Variants in AKR1D1 observed in about 807,000 individuals in gnomAD.
AKR1D1 encodes delta(4)-3-ketosteroid 5-beta-reductase.
Under a neutral mutation model 42.6 loss-of-function variants are expected in AKR1D1, and 32 were observed. The ratio of observed to expected loss-of-function variants is 0.75; its 90% confidence interval spans 0.57 to 1.01. The LOEUF is 1.01. Ranked by LOEUF, AKR1D1 falls within the 50% of genes least tolerant of loss-of-function variation. AKR1D1 has a pLI of 0.00. For synonymous variants in AKR1D1, 123 were observed against 135.5 expected (o/e 0.91, Z 0.64); for missense variants, 364 against 402.2 (o/e 0.91, Z 0.81).
Position 138,106,727 on chromosome 7 carries a change from AC to A in AKR1D1, c.689+11del. On this transcript the variant is annotated intron_variant, in intron 6 of 8. Coordinates refer to ENST00000242375, the MANE Select transcript of AKR1D1 (RefSeq NM_005989.4). The stretch of plus-strand genomic sequence containing the variant: ...GTAGGAATCCAATCTGGTAAGTAAA[AC>A]TTTAGGAAGCATTTCCTTTGGTGTA... 2.5e-6 allele frequency: 4 copies of A among 1,572,320 alleles called. No individual in the cohort carries two copies. The highest frequency in any genetic ancestry group is 3.5e-6 in the Non-Finnish European group (4 of 1,141,910).
chr7:138,105,834 G>A (rs931758524), intron 5 of AKR1D1, among the ~76,000 whole-genome samples: 13 of 151,994 alleles, frequency 8.6e-5, no homozygotes, highest in African/African-American at 2.9e-4. Flanking sequence ...GCAGTGAGCC[G>A]AGATTGCGCC....
At chr7:138,100,618 A>C (rs1263929824) in intron 4 of AKR1D1, among the ~76,000 whole-genome samples, 7 of 152,006 alleles carry the variant, frequency 4.6e-5, no homozygotes. Context: ...GCCCCTAATA[A>C]CAGAGCTTCA....
At chr7:138,101,093 A>T (rs1585734378) in intron 4 of AKR1D1, among the ~76,000 whole-genome samples, 1 of 152,178 alleles carries the variant, frequency 6.6e-6, no homozygotes, top group East Asian at 1.9e-4. Context: ...AAACATTATC[A>T]ACCTTCTTAA....
At chr7:138,110,418 G>A (rs770567497) in intron 7 of AKR1D1, among the ~76,000 whole-genome samples, 2 of 152,050 alleles carry the variant, frequency 1.3e-5, no homozygotes, top group African/African-American at 2.4e-5. Flanking sequence ...GGGCAACAAA[G>A]CGAGATCCCA....
intron 1 of AKR1D1, among the ~76,000 whole-genome samples, chr7:138,077,179 T>A (rs970975722): frequency 1.3e-5 from 2 of 152,188 alleles, no homozygotes; most frequent in African/African-American, 4.8e-5. Context: ...TCCATTCTCA[T>A]GCTGCTATTA....
At position 138,097,848 on chromosome 7, in the gene AKR1D1, T is replaced by C. The variant is rs565952145; in HGVS notation, c.379-18T>C. 3 of 694 alleles carry C rather than the reference T, an allele frequency of 4.3e-3. No individual in the cohort carries two copies. The highest frequency in any genetic ancestry group is 0.015 in the Non-Finnish European group (3 of 204). The allele number at this position is 694 out of a possible 1,614,324, so 0.0% of individuals were successfully genotyped here. On this transcript the variant is annotated intron_variant, in intron 3 of 8. Coordinates refer to ENST00000242375, the MANE Select transcript of AKR1D1 (RefSeq NM_005989.4). ...TAAATAAAATGAATTACATTTATTC[T>C]TTTTTTTTTTTTTTCAGCCAGGAGA...
intron 3 of AKR1D1, among the ~76,000 whole-genome samples, chr7:138,096,003 C>A (rs1240392207): frequency 6.6e-6 from 1 of 151,810 alleles, no homozygotes; most frequent in Non-Finnish European, 1.5e-5. Context: ...GAGTTCGAGA[C>A]CAGCCTGGAC....
At chr7:138,078,632 A>G (rs1014771320) in intron 1 of AKR1D1, among the ~76,000 whole-genome samples, 1 of 152,136 alleles carries the variant, frequency 6.6e-6, no homozygotes, top group African/African-American at 2.4e-5. Flanking sequence ...TATATTCTCT[A>G]TTGTTTGTTA....
At chr7:138,101,253 G>A (rs937398180) in intron 4 of AKR1D1, among the ~76,000 whole-genome samples, 10 of 135,714 alleles carry the variant, frequency 7.4e-5, no homozygotes, top group Non-Finnish European at 1.4e-4. Context: ...AGGCTGGAGT[G>A]CAGTGGCGCA....
chr7:138,084,786 A>C (rs989684484), intron 1 of AKR1D1, among the ~76,000 whole-genome samples: 10 of 151,690 alleles, frequency 6.6e-5, no homozygotes, highest in African/African-American at 2.4e-4. Context: ...GGCCGGGTGC[A>C]GTGGCTCACG....
rs1180180364 is a variant in AKR1D1 at position 138,113,674 on chromosome 7, A to T, written c.856-16A>T. On this transcript the variant is annotated splice_polypyrimidine_tract_variant and intron_variant, in intron 7 of 8. Coordinates refer to ENST00000242375, the MANE Select transcript of AKR1D1 (RefSeq NM_005989.4). ...GCTTGACCTTCAAAAATGTTCTATT[A>T]TTTCCGTTATTTCAGATCTTTGACT... 1.9e-6 allele frequency: 3 copies of T among 1,611,306 alleles called. No individual in the cohort carries two copies. In the African/African-American group the frequency reaches 4.0e-5, roughly 22 times the overall value.
At chr7:138,093,363 A>G (rs967586090) in intron 3 of AKR1D1, among the ~76,000 whole-genome samples, 1 of 152,200 alleles carries the variant, frequency 6.6e-6, no homozygotes, top group African/African-American at 2.4e-5. Flanking sequence ...AATAACATGA[A>G]TAAAACACAA....
intron 4 of AKR1D1, among the ~76,000 whole-genome samples, chr7:138,103,040 A>T (rs889762196): frequency 8.5e-5 from 13 of 152,218 alleles, no homozygotes; most frequent in African/African-American, 2.9e-4. Flanking sequence ...ATTCCTCAAA[A>T]TGTACACTTC....
intron 1 of AKR1D1, among the ~76,000 whole-genome samples, chr7:138,087,801 A>C (rs1793967279): frequency 6.6e-6 from 1 of 151,864 alleles, no homozygotes; most frequent in Non-Finnish European, 1.5e-5. Context: ...AAACTAAAGT[A>C]TTTATTCTTT....
At position 138,116,927 on chromosome 7, in the gene AKR1D1, A is replaced by G; in HGVS notation, c.*265A>G. On this transcript the variant is annotated 3_prime_UTR_variant, in exon 9 of 9. Transcript: ENST00000242375. ...TATCTTCTAGATTCCAGACAGAAAA[A>G]AATTACACTTCAGAAAAGACATCAA... 1 of 439,654 alleles carries G rather than the reference A, an allele frequency of 2.3e-6. No homozygotes were observed. The highest frequency in any genetic ancestry group is 4.0e-6 in the Non-Finnish European group (1 of 247,216). 27.2% of individuals were successfully genotyped at this position (439,654 alleles called of 1,614,324 possible).
chr7:138,076,579 A>G lies in AKR1D1; in HGVS notation c.61A>G (p.Ile21Val), dbSNP rs1802942751. 1 of 1,613,442 alleles carries G rather than the reference A, an allele frequency of 6.2e-7. No homozygotes were observed. The highest frequency in any genetic ancestry group is 1.3e-5 in the African/African-American group (1 of 74,906). The stretch of plus-strand genomic sequence containing the variant: ...AAGTGATGGAAACAGCATTCCCATC[A>G]TCGGACTTGGTACCTACTCAGAACC... ...PLSDGNSIPI[I>V]GLGTYSEPKS... Residue 21 changes from isoleucine to valine, a missense_variant, in exon 1 of 9, where the codon ATC (isoleucine) becomes GTC (valine). Transcript: ENST00000242375.
intron 1 of AKR1D1, among the ~76,000 whole-genome samples, chr7:138,077,552 A>G (rs1480625929): frequency 1.3e-5 from 2 of 152,228 alleles, no homozygotes; most frequent in Non-Finnish European, 2.9e-5. Flanking sequence ...AGAAATGGAA[A>G]TAATTAAATT....
intron 4 of AKR1D1, among the ~76,000 whole-genome samples, chr7:138,098,907 G>A (rs986043569): frequency 2.4e-4 from 36 of 152,028 alleles, no homozygotes; most frequent in African/African-American, 7.0e-4. Context: ...AAATGTTGCC[G>A]CACAGGTGGA....
intron 3 of AKR1D1, among the ~76,000 whole-genome samples, chr7:138,097,547 G>A (rs1165639968): frequency 1.3e-5 from 2 of 152,180 alleles, no homozygotes; most frequent in Non-Finnish European, 2.9e-5. Context: ...GGGGGAGCAG[G>A]GTGTAAATTC....
Sources: allele counts gnomAD v4.1 joint callset (sites outside exome capture counted in the v4.1 genomes callset), GRCh38; gene constraint gnomAD v4.1.1; transcripts MANE v1.5; gene names NCBI Gene and HGNC (gene_info 2026-07-23, HGNC 2026-07-21).